Variants in MAST1 observed in about 807,000 individuals in gnomAD.
MAST1 encodes microtubule-associated serine/threonine-protein kinase 1.
A neutral mutation model predicts 124.6 loss-of-function variants in MAST1; 40 were observed. That is an observed-to-expected ratio of 0.32 (90% confidence interval 0.25 to 0.42). MAST1 has a LOEUF of 0.42. Among genes scored for constraint, MAST1 ranks in the 10% least tolerant of loss-of-function variants. The pLI, the probability that MAST1 is intolerant of heterozygous loss-of-function variation, is 1.00. For missense variants in MAST1, 1,558 were observed against 2,181.9 expected (o/e 0.71, Z 5.70); for synonymous variants, 938 against 939.4 (o/e 1.00, Z 0.03).
Position 12,852,112 on chromosome 19 carries a change from C to T in MAST1, c.877-3C>T, listed in dbSNP as rs756277274. The T allele has an allele frequency of 6.2e-7, 1 of 1,613,740 alleles. No individual in the cohort carries two copies. Among genetic ancestry groups the T allele is most frequent in the East Asian group, 2.2e-5 (1 of 44,886 alleles). On this transcript the variant is annotated splice_polypyrimidine_tract_variant and splice_region_variant and intron_variant, in intron 8 of 25. Transcript: ENST00000251472. Reference sequence around the variant, plus strand: ...TGGTGAGCCCACTCCTGCCCTGCCTCAGGAATTCAACCCCGAGGAGTTCTA... The same window carrying T: ...TGGTGAGCCCACTCCTGCCCTGCCTTAGGAATTCAACCCCGAGGAGTTCTA...
intron 10 of MAST1, 48 bp downstream of exon 10, chr19:12,852,443 A>G (rs1178124806): frequency 7.4e-6 from 6 of 814,106 alleles, no homozygotes; most frequent in Non-Finnish European, 1.2e-5. Flanking sequence ...CTGGGAGGGC[A>G]GGGTGGGGCT....
Position 12,864,941 on chromosome 19 carries a change from C to T in MAST1, c.1499C>T (p.Pro500Leu). The T allele has an allele frequency of 6.2e-7, 1 of 1,614,182 alleles. No individual in the cohort carries two copies. The highest frequency in any genetic ancestry group is 8.5e-7 in the Non-Finnish European group (1 of 1,180,024). The change falls in exon 13 of 26, where the codon CCT (proline) becomes CTT (leucine). Residue 500 changes from proline to leucine, a missense_variant. By Grantham distance (98) the Pro-to-Leu change is moderately conservative. This residue lies in a region of MAST1 where 145 missense variants were observed against 350.0 expected (regional missense o/e 0.41). Transcript: ENST00000251472. ...GGCATCGTGCACCGCGACCTCAAGC[C>T]TGACAAGTGAGCTTTGATCTTTCCC... ...NYGIVHRDLK[P>L]DNLLITSMGH...
chr19:12,845,332 C>T (rs545267103), intron 4 of MAST1, among the ~76,000 whole-genome samples: 263 of 136,716 alleles, frequency 1.9e-3, no homozygotes, highest in Non-Finnish European at 2.9e-3. Flanking sequence ...CCCAACACTA[C>T]GGGAGGTTGA....
rs780898647 is a variant in MAST1 at position 12,840,409 on chromosome 19, G to C, written c.84-37G>C. ...GGGGCTCAAGAACTCACTGGGCTGC[G>C]GCCCGGCCCGGCCCCCCTGCCTTAC... is the stretch of plus-strand genomic sequence containing the variant. On this transcript the variant is annotated intron_variant, in intron 1 of 25. Transcript: ENST00000251472. 3 of 1,408,296 alleles carry C rather than the reference G, an allele frequency of 2.1e-6. No homozygotes were observed. The African/African-American group carries it at 4.2e-5, about 20-fold the overall frequency. The allele number at this position is 1,408,296 out of a possible 1,614,324, so 87.2% of individuals were successfully genotyped here.
At chr19:12,859,826 CAAAA>C (rs60098806) in intron 12 of MAST1, among the ~76,000 whole-genome samples, 6 of 93,182 alleles carry the variant, frequency 6.4e-5, no homozygotes, top group Admixed American at 1.1e-4. Context: ...CCCTGTCCCG[CAAAA>C]AAAAAAAAAA....
chr19:12,850,141 C>T (rs1969943913), intron 7 of MAST1, among the ~76,000 whole-genome samples: 1 of 152,110 alleles, frequency 6.6e-6, no homozygotes, highest in African/African-American at 2.4e-5. Context: ...CTGGCACTAG[C>T]CTAAAAGCTG....
intron 24 of MAST1, among the ~76,000 whole-genome samples, chr19:12,871,412 G>C (rs1970232321): frequency 2.0e-5 from 3 of 152,054 alleles, no homozygotes; most frequent in Non-Finnish European, 4.4e-5. Flanking sequence ...TTTGAGACCA[G>C]CCTGGCCAAT....
intron 10 of MAST1, among the ~76,000 whole-genome samples, chr19:12,857,413 A>G (rs985655131): frequency 2.0e-5 from 3 of 148,286 alleles, no homozygotes; most frequent in African/African-American, 7.5e-5. Context: ...CTGGCCAAGA[A>G]TCTTTTTTTT....
At chr19:12,848,225 C>T in intron 7 of MAST1, 168 bp downstream of exon 7, 1 of 617,836 alleles carries the variant, frequency 1.6e-6, no homozygotes, top group Non-Finnish European at 2.8e-6. Context: ...CTAGGTCTGA[C>T]CGACTGAAGA....
In MAST1 at chr19:12,843,532, G is replaced by A. The variant is rs778059086; in HGVS notation, c.252G>A (p.Ala84=). Residue 84 remains alanine (A), a synonymous_variant, in exon 4 of 26, where the codon GCG becomes GCA. Coordinates refer to ENST00000251472, the MANE Select transcript of MAST1 (RefSeq NM_014975.3). This position sits in a 1 kb window ranked among gnomAD's most constrained non-coding sequence, Gnocchi z 4.9. The part of the protein sequence containing the change: ...AHFSFASSRR[A]DGRRWSLASL... ...GAGCACCTTGGCTGGGTTCCAGGGC[G>A]GACGGACGCCGGTGGTCTCTGGCCT... The A allele has an allele frequency of 2.1e-5, 34 of 1,613,194 alleles. No homozygotes were observed. The East Asian group carries it at 5.8e-4, about 28-fold the overall frequency.
At chr19:12,870,764 A>C in intron 22 of MAST1, 60 bp from the exon 23 acceptor site, 2 of 1,521,994 alleles carry the variant, frequency 1.3e-6, no homozygotes, top group Non-Finnish European at 1.8e-6. Flanking sequence ...ATATAAGTTT[A>C]GGAGCTTTCC....
At chr19:12,857,191 C>G (rs2038574546) in intron 10 of MAST1, among the ~76,000 whole-genome samples, 1 of 152,002 alleles carries the variant, frequency 6.6e-6, no homozygotes, top group Non-Finnish European at 1.5e-5. Context: ...TCAAGCGATT[C>G]TCCTGCCTCA....
intron 12 of MAST1, among the ~76,000 whole-genome samples, chr19:12,863,158 CAAAAA>C (rs749539925): frequency 1.4e-4 from 6 of 44,120 alleles, no homozygotes; most frequent in Non-Finnish European, 2.2e-4. Context: ...GACTCTGACT[CAAAAA>C]AAAAAAAAAA....
chr19:12,874,823 G>T lies in MAST1; in HGVS notation c.4666G>T (p.Gly1556Cys). Residue 1556 changes from glycine (G) to cysteine (C), a missense_variant, in exon 26 of 26, where the codon GGC becomes TGC. Coordinates refer to ENST00000251472, the MANE Select transcript of MAST1 (RefSeq NM_014975.3). This position sits in a 1 kb window ranked among gnomAD's most constrained non-coding sequence, Gnocchi z 6.6. ...RCPAEAVPPA[G>C]LTKKGVSSPA... is the part of the protein sequence containing the mutation. ...CCCTGCTGAAGCTGTGCCCCCAGCA[G>T]GCCTGACCAAAAAAGGAGTGTCCAG... The T allele has an allele frequency of 6.2e-7, 1 of 1,600,032 alleles. No individual in the cohort carries two copies.
Position 12,867,795 on chromosome 19 carries a change from G to A in MAST1, c.2384G>A (p.Arg795His). 1 of 1,568,386 alleles carries A rather than the reference G, an allele frequency of 6.4e-7. No homozygotes were observed. Among genetic ancestry groups the A allele is most frequent in the Admixed American group, 1.9e-5 (1 of 51,468 alleles). ...GAGGCCAGTCCCCCTTTGGGCGCCCGCCGCCGTTTCTCGGCGCTGCTGGAG... is the reference window on the plus strand; with the variant it reads ...GAGGCCAGTCCCCCTTTGGGCGCCCACCGCCGTTTCTCGGCGCTGCTGGAG... ...EGEASPPLGA[R>H]RRFSALLEPS... The change falls in exon 20 of 26, where the codon CGC (arginine) becomes CAC (histidine). Residue 795 changes from arginine to histidine, a missense_variant. Arg to His is a conservative substitution (Grantham distance 29). This residue lies in a region of MAST1 where 287 missense variants were observed against 308.0 expected (regional missense o/e 0.93). Coordinates refer to ENST00000251472, the MANE Select transcript of MAST1 (RefSeq NM_014975.3).
Position 12,845,674 on chromosome 19 carries a change from G to A in MAST1, c.328-1616G>A, listed in dbSNP as rs1411097561. On this transcript the variant is annotated intron_variant, in intron 4 of 25. Coordinates refer to ENST00000251472, the MANE Select transcript of MAST1 (RefSeq NM_014975.3). ...GCAATTTTTTTTTTTTTTTTTTTTT[G>A]AGATGGAGTCTCACTCTGTCGCCCA... Among the ~76,000 whole-genome samples, 3 of 43,918 alleles carry A rather than the reference G, an allele frequency of 6.8e-5. No homozygotes were observed. The Admixed American group carries it at 8.2e-4, about 12-fold the overall frequency. The allele number at this position is 43,918 out of a possible 152,430, so 28.8% of individuals were successfully genotyped here. A position where few individuals can be genotyped will look rare whatever the true frequency, so the allele number is the denominator to read the frequency against.
At chr19:12,869,350 G>T (rs1166409111) in intron 22 of MAST1, 55 bp downstream of exon 22, 3 of 1,458,046 alleles carry the variant, frequency 2.1e-6, no homozygotes, top group African/African-American at 1.4e-5. Flanking sequence ...TGGGGAAAAG[G>T]CCCCTCCAGC....
chr19:12,844,462 A>G (rs571512333), intron 4 of MAST1, among the ~76,000 whole-genome samples: 1 of 152,354 alleles, frequency 6.6e-6, no homozygotes, highest in South Asian at 2.1e-4. Flanking sequence ...GTAAGAAGGC[A>G]TTCACAAAAT....
chr19:12,853,857 G>A (rs982707084), intron 10 of MAST1, among the ~76,000 whole-genome samples: 4 of 142,798 alleles, frequency 2.8e-5, no homozygotes, highest in African/African-American at 7.8e-5. Context: ...GCAACAGAGC[G>A]AGACTCTGTC....
Sources: allele counts gnomAD v4.1 joint callset (sites outside exome capture counted in the v4.1 genomes callset), GRCh38; gene constraint gnomAD v4.1.1; regional missense constraint gnomAD v4.1.1; non-coding constraint Gnocchi (gnomAD v3.1); transcripts MANE v1.5; gene names NCBI Gene and HGNC (gene_info 2026-07-23, HGNC 2026-07-21).